EFCAB6: variants seen among roughly 807,000 people sequenced by gnomAD.
EFCAB6 encodes EF-hand calcium-binding domain-containing protein 6.
EFCAB6 carries 156 observed loss-of-function variants against 169.8 expected under a neutral mutation model. The observed-to-expected ratio is 0.92, with a 90% CI of 0.81 to 1.05. The LOEUF (loss-of-function observed/expected upper bound fraction) is 1.05. Among genes scored for constraint, EFCAB6 ranks in the 50% least tolerant of loss-of-function variants. EFCAB6 has a pLI of 0.00. For missense variants in EFCAB6, 1,800 were observed against 1,829.1 expected (o/e 0.98, Z 0.29); for synonymous variants, 698 against 676.4 (o/e 1.03, Z -0.50).
intron 26 of EFCAB6, among the ~76,000 whole-genome samples, chr22:43,569,666 C>T (rs58142017): frequency 0.2 from 29,999 of 152,218 alleles, 3,155 homozygotes; most frequent in Middle Eastern, 0.24. Flanking sequence ...CCTGGCCTGT[C>T]TCCAAGGCCC....
intron 23 of EFCAB6, among the ~76,000 whole-genome samples, chr22:43,597,342 C>G (rs1385130611): frequency 3.3e-5 from 5 of 152,136 alleles, no homozygotes; most frequent in Admixed American, 6.5e-5. Context: ...TACAAACTCC[C>G]CATCTGACAA....
intron 26 of EFCAB6, among the ~76,000 whole-genome samples, chr22:43,560,499 C>T (rs991521257): frequency 5.3e-5 from 8 of 152,158 alleles, no homozygotes; most frequent in Non-Finnish European, 1.2e-4. Context: ...TGTTAGAGAA[C>T]AGTGTGGTCA....
chr22:43,542,613 A>G (rs552252430), intron 27 of EFCAB6, among the ~76,000 whole-genome samples: 2 of 152,184 alleles, frequency 1.3e-5, no homozygotes, highest in Admixed American at 6.5e-5. Flanking sequence ...GGAGGAGGCC[A>G]TGAGGGACCA....
intron 7 of EFCAB6, among the ~76,000 whole-genome samples, chr22:43,733,090 G>A (rs572660489): frequency 6.6e-6 from 1 of 152,014 alleles, no homozygotes; most frequent in Non-Finnish European, 1.5e-5. Flanking sequence ...GATGACTCTT[G>A]CCTATTGTTT....
intron 17 of EFCAB6, among the ~76,000 whole-genome samples, chr22:43,664,718 T>C (rs2057164793): frequency 6.6e-6 from 1 of 152,146 alleles, no homozygotes; most frequent in South Asian, 2.1e-4. Context: ...GAAGCTGATG[T>C]GGCTGGAGTT....
intron 26 of EFCAB6, among the ~76,000 whole-genome samples, chr22:43,567,623 G>C (rs1438801784): frequency 2.6e-5 from 4 of 152,160 alleles, no homozygotes; most frequent in Non-Finnish European, 4.4e-5. Flanking sequence ...ATGGACCTTG[G>C]AACTGGCTGG....
At chr22:43,715,888 T>G (rs927324665) in intron 9 of EFCAB6, among the ~76,000 whole-genome samples, 9 of 152,210 alleles carry the variant, frequency 5.9e-5, no homozygotes, top group Admixed American at 2.6e-4. Flanking sequence ...GAGTTCCTCC[T>G]GCATTGACAT....
At chr22:43,657,428 T>TA (rs149040997) in intron 17 of EFCAB6, among the ~76,000 whole-genome samples, 14,443 of 145,558 alleles carry the variant, frequency 0.099, 758 homozygotes, top group South Asian at 0.18. Context: ...AATCAATCAT[T>TA]AAAAAAAAAA....
intron 21 of EFCAB6, 100 bp from the exon 22 acceptor site, chr22:43,608,700 T>C: frequency 3.8e-6 from 4 of 1,055,058 alleles, no homozygotes; most frequent in Non-Finnish European, 4.3e-6. Context: ...CTAAGGCATC[T>C]GTATCCCCAT....
At chr22:43,579,093 T>A (rs1602386958) in intron 25 of EFCAB6, among the ~76,000 whole-genome samples, 1 of 149,040 alleles carries the variant, frequency 6.7e-6, no homozygotes. Context: ...CACGCAGGCA[T>A]CATTGTCTAC....
At chr22:43,755,192 T>A (rs2147858174) in intron 6 of EFCAB6, among the ~76,000 whole-genome samples, 1 of 152,318 alleles carries the variant, frequency 6.6e-6, no homozygotes, top group Non-Finnish European at 1.5e-5. Flanking sequence ...CAAATGCATT[T>A]TAAAAAGGAG....
At chr22:43,647,524 T>C (rs1484247678) in intron 17 of EFCAB6, among the ~76,000 whole-genome samples, 3 of 152,224 alleles carry the variant, frequency 2.0e-5, no homozygotes, top group East Asian at 1.9e-4. Flanking sequence ...TTAAGGGTTA[T>C]ACATTGTTGT....
rs375953687 is a variant in EFCAB6 at position 43,781,538 on chromosome 22, A to T, written c.139+642T>A. On this transcript the variant is annotated intron_variant, in intron 3 of 31. Transcript: ENST00000262726. ...GAGACAAGGTCTTACTATGTTGCCC[A>T]GCTTGGTCTGGAACCCCTGGGCTCA... Among the ~76,000 whole-genome samples, 15 of 152,210 alleles carry T rather than the reference A, an allele frequency of 9.9e-5. No individual in the cohort carries two copies. The East Asian group carries it at 2.7e-3, about 27-fold the overall frequency.
chr22:43,775,618 T>C (rs1472186337), intron 3 of EFCAB6, among the ~76,000 whole-genome samples: 5 of 152,210 alleles, frequency 3.3e-5, no homozygotes, highest in African/African-American at 9.6e-5. Flanking sequence ...AATTTTTGTA[T>C]TTTTTAATAC....
intron 23 of EFCAB6, 32 bp downstream of exon 23, chr22:43,600,037 A>C (rs746635700): frequency 6.3e-6 from 10 of 1,598,324 alleles, no homozygotes. Flanking sequence ...GGGGACTTCT[A>C]GATGATGGCC....
intron 26 of EFCAB6, among the ~76,000 whole-genome samples, chr22:43,556,129 T>C (rs2048692936): frequency 1.3e-5 from 2 of 152,136 alleles, no homozygotes; most frequent in African/African-American, 2.4e-5. Flanking sequence ...GGGCTCCACG[T>C]TGAAGTCAGG....
intron 3 of EFCAB6, among the ~76,000 whole-genome samples, chr22:43,773,476 A>G (rs1163288523): frequency 6.6e-6 from 1 of 152,244 alleles, no homozygotes; most frequent in Non-Finnish European, 1.5e-5. Flanking sequence ...TTTTTGAGGG[A>G]AAAACATGTA....
chr22:43,665,969 G>A (rs1441460408), intron 17 of EFCAB6, among the ~76,000 whole-genome samples: 1 of 152,062 alleles, frequency 6.6e-6, no homozygotes. Flanking sequence ...CGTATTTTTA[G>A]TAGAGATGGG....
chr22:43,743,533 T>C (rs2060446719), intron 6 of EFCAB6, among the ~76,000 whole-genome samples: 2 of 152,214 alleles, frequency 1.3e-5, no homozygotes, highest in African/African-American at 2.4e-5. Flanking sequence ...AATAAGGATA[T>C]AGGTGTGTGG....
Sources: allele counts gnomAD v4.1 joint callset (sites outside exome capture counted in the v4.1 genomes callset), GRCh38; gene constraint gnomAD v4.1.1; transcripts MANE v1.5; gene names NCBI Gene and HGNC (gene_info 2026-07-23, HGNC 2026-07-21).